DSG2: variants seen among roughly 807,000 people sequenced by gnomAD.
DSG2 encodes the protein desmoglein 2.
DSG2 carries 45 observed loss-of-function variants against 75.6 expected under a neutral mutation model. The ratio of observed to expected loss-of-function variants is 0.60; its 90% confidence interval spans 0.47 to 0.76. DSG2 has a LOEUF of 0.76. Among genes scored for constraint, DSG2 ranks in the 30% least tolerant of loss-of-function variants. The probability of loss-of-function intolerance (pLI) is 0.00; values close to 1 mark genes in which losing one functional copy is unlikely to be tolerated. For missense variants in DSG2, 1,267 were observed against 1,357.4 expected, an observed-to-expected ratio of 0.93 and a Z score of 1.05; for synonymous variants, 429 against 483.9, an observed-to-expected ratio of 0.89 and a Z score of 1.49.
intron 1 of DSG2, among the ~76,000 whole-genome samples, chr18:31,513,991 C>T (rs1222765892): frequency 6.6e-6 from 1 of 152,126 alleles, no homozygotes; most frequent in Non-Finnish European, 1.5e-5. Context: ...CCGTCAAGGT[C>T]ATGAGAAACA....
intron 3 of DSG2, among the ~76,000 whole-genome samples, chr18:31,520,159 A>C (rs1485647371): frequency 6.6e-6 from 1 of 152,190 alleles, no homozygotes; most frequent in Non-Finnish European, 1.5e-5. Context: ...CATTGGCAAA[A>C]ATATAGATAA....
chr18:31,510,071 A>G (rs1409073237), intron 1 of DSG2, among the ~76,000 whole-genome samples: 1 of 152,248 alleles, frequency 6.6e-6, no homozygotes, highest in East Asian at 1.9e-4. Context: ...GCTGGTTGGA[A>G]GGTTGAGTAA....
At chr18:31,517,002 A>G (rs530346661) in intron 1 of DSG2, among the ~76,000 whole-genome samples, 15 of 152,246 alleles carry the variant, frequency 9.9e-5, no homozygotes, top group Middle Eastern at 3.2e-3. Flanking sequence ...TAAAATCCAA[A>G]TAGCCACAAG....
intron 9 of DSG2, among the ~76,000 whole-genome samples, chr18:31,534,932 A>G (rs2144339062): frequency 6.6e-6 from 1 of 152,340 alleles, no homozygotes; most frequent in African/African-American, 2.4e-5. Context: ...ATTCCCCAAA[A>G]GTTTAACCCA....
chr18:31,500,193 A>C (rs1219564247), intron 1 of DSG2, among the ~76,000 whole-genome samples: 1 of 152,248 alleles, frequency 6.6e-6, no homozygotes, highest in African/African-American at 2.4e-5. Context: ...TAAAGCAAGA[A>C]TAGGTTTATT....
In DSG2 at chr18:31,520,806, C is replaced by A. The variant is rs772406363; in HGVS notation, c.220C>A (p.His74Asn). The A allele has an allele frequency of 6.2e-7, 1 of 1,613,306 alleles. No homozygotes were observed. Among genetic ancestry groups the A allele is most frequent in the Admixed American group, 1.7e-5 (1 of 59,960 alleles). Residue 74 changes from histidine (H) to asparagine (N), a missense_variant, in exon 4 of 15, where the codon CAT (histidine) becomes AAT (asparagine). His to Asn is a moderately conservative substitution (Grantham distance 68, BLOSUM62 1). Transcript: ENST00000261590. ...LSKKNPIAKI[H>N]SDLAEERGLK... is the part of the protein sequence containing the mutation. Reference sequence around the variant, plus strand: ...ATTCCTGTTATTTTTATGTTAGATACATTCTGATCTTGCAGAAGAAAGAGG... The same window carrying A: ...ATTCCTGTTATTTTTATGTTAGATAAATTCTGATCTTGCAGAAGAAAGAGG...
intron 1 of DSG2, among the ~76,000 whole-genome samples, chr18:31,516,922 G>A (rs1332943407): frequency 6.6e-6 from 1 of 152,214 alleles, no homozygotes; most frequent in African/African-American, 2.4e-5. Context: ...TGTCTGCCCT[G>A]TCCAAATGGG....
At position 31,544,645 on chromosome 18, in the gene DSG2, G is replaced by T. The variant is rs1039756337; in HGVS notation, c.2335-1076G>T. 3.3e-5 allele frequency among the ~76,000 whole-genome samples: 5 copies of T among 152,008 alleles called. No homozygotes were observed. In the East Asian group the frequency reaches 9.6e-4, roughly 29 times the overall value. On this transcript the variant is annotated intron_variant, in intron 14 of 14. Transcript: ENST00000261590. Reference sequence around the variant, plus strand: ...AGCCACAAGCTTATTATTTAAAGAGGTCAATAAAATTGATAAACATTTTAC... The same window carrying T: ...AGCCACAAGCTTATTATTTAAAGAGTTCAATAAAATTGATAAACATTTTAC...
At chr18:31,542,395 T>TCTAA (rs2073273866) in intron 13 of DSG2, 125 bp from the exon 14 acceptor site, 2 of 946,536 alleles carry the variant, frequency 2.1e-6, no homozygotes, top group Non-Finnish European at 1.7e-6. Context: ...AAATACTTTT[T>TCTAA]CTAACTGGCC....
rs775670183 is a variant in DSG2 at position 31,546,136 on chromosome 18, C to T, written c.2750C>T (p.Ala917Val). The T allele has an allele frequency of 8.1e-5, 131 of 1,614,134 alleles. 3 individuals are homozygous for T. The South Asian group carries it at 1.3e-3, about 16-fold the overall frequency. Residue 917 changes from alanine to valine, a missense_variant, in exon 15 of 15, where the codon GCG (alanine) becomes GTG (valine). Physicochemically the swap from Ala to Val is moderately conservative, Grantham distance 64. Transcript: ENST00000261590. Reference protein sequence around the residue: ...VTERSVSSRQAQKVATPLPDP... With the variant: ...VTERSVSSRQVQKVATPLPDP... ...GAAAGATCTGTGTCTTCTAGGCAGG[C>T]GCAAAAGGTAGCTACACCTCTTCCT... is the stretch of plus-strand genomic sequence containing the variant.
At position 31,538,801 on chromosome 18, in the gene DSG2, A is replaced by C; in HGVS notation, c.1702A>C (p.Ile568Leu). The C allele has an allele frequency of 6.2e-7, 1 of 1,614,184 alleles. No homozygotes were observed. Among genetic ancestry groups the C allele is most frequent in the Non-Finnish European group, 8.5e-7 (1 of 1,180,038 alleles). Residue 568 changes from isoleucine to leucine, a missense_variant, in exon 12 of 15, where the codon ATT becomes CTT. By Grantham distance (5) the Ile-to-Leu change is conservative (BLOSUM62 2). Transcript: ENST00000261590. ...TGAGAAAAAGCTTGGGAGAAGTGAA[A>C]TTCAGTTCCTGATTTCAGACAATCA... ...QSEKKLGRSE[I>L]QFLISDNQGF...
At chr18:31,510,932 C>G (rs185651138) in intron 1 of DSG2, among the ~76,000 whole-genome samples, 12 of 152,246 alleles carry the variant, frequency 7.9e-5, no homozygotes, top group African/African-American at 2.9e-4. Context: ...AGCCACCCCT[C>G]CCATGCTTGA....
At chr18:31,523,123 C>T (rs1010986806) in intron 6 of DSG2, among the ~76,000 whole-genome samples, 2 of 152,120 alleles carry the variant, frequency 1.3e-5, no homozygotes, top group Non-Finnish European at 2.9e-5. Context: ...AATGATTGGC[C>T]GGGCGTGGTG....
chr18:31,512,434 G>A (rs1272535722), intron 1 of DSG2, among the ~76,000 whole-genome samples: 1 of 152,176 alleles, frequency 6.6e-6, no homozygotes, highest in Non-Finnish European at 1.5e-5. Flanking sequence ...TGTATTGCAC[G>A]TGCTTCTGCA....
rs2073324010 is a variant in DSG2 at position 31,547,663 on chromosome 18, T to A, written c.*920T>A. ...TTGCACTCCAGTCTGGGCAACAGAG[T>A]GAGATTCCGTCTCAAAAAAAAAAAG... On this transcript the variant is annotated 3_prime_UTR_variant, in exon 15 of 15. Transcript: ENST00000261590. 6.8e-6 allele frequency: 1 copy of A among 145,992 alleles called. No homozygotes were observed. Among genetic ancestry groups the A allele is most frequent in the African/African-American group, 2.6e-5 (1 of 38,280 alleles). 9.0% of individuals were successfully genotyped at this position (145,992 alleles called of 1,614,324 possible). A position where few individuals can be genotyped will look rare whatever the true frequency, so the allele number is the denominator to read the frequency against.
Position 31,504,024 on chromosome 18 carries a change from C to T in DSG2, c.45+5728C>T, listed in dbSNP as rs2073026831. Among the ~76,000 whole-genome samples, 3 of 152,306 alleles carry T rather than the reference C, an allele frequency of 2.0e-5. No individual in the cohort carries two copies. In the South Asian group the frequency reaches 6.2e-4, roughly 32 times the overall value. Reference sequence around the variant, plus strand: ...CTAAGTAGGGATTTATTTTACTTGTCTGGACCCTCTTTTTGAAAGGCAAAT... The same window carrying T: ...CTAAGTAGGGATTTATTTTACTTGTTTGGACCCTCTTTTTGAAAGGCAAAT... On this transcript the variant is annotated intron_variant, in intron 1 of 14. Transcript: ENST00000261590.
chr18:31,542,343 G>A, intron 13 of DSG2, 177 bp from the exon 14 acceptor site: 1 of 680,474 alleles, frequency 1.5e-6, no homozygotes, highest in Non-Finnish European at 2.6e-6. Context: ...GAAGAGAGAA[G>A]AAAGGAGATC....
At position 31,547,032 on chromosome 18, in the gene DSG2, A is replaced by G. The variant is rs541237335; in HGVS notation, c.*289A>G. Reference sequence around the variant, plus strand: ...ATAAAACAAGATACATAGAGAGTCAATCTGGCTTCTGAGAATTTACCAAGT... The same window carrying G: ...ATAAAACAAGATACATAGAGAGTCAGTCTGGCTTCTGAGAATTTACCAAGT... On this transcript the variant is annotated 3_prime_UTR_variant, in exon 15 of 15. Transcript: ENST00000261590. The G allele has an allele frequency of 6.7e-5, 31 of 461,208 alleles. No homozygotes were observed. Among genetic ancestry groups the G allele is most frequent in the Middle Eastern group, 6.4e-4 (1 of 1,558 alleles). The allele number at this position is 461,208 out of a possible 1,614,324, so 28.6% of individuals were successfully genotyped here.
At chr18:31,507,948 A>G (rs1291653027) in intron 1 of DSG2, among the ~76,000 whole-genome samples, 2 of 152,162 alleles carry the variant, frequency 1.3e-5, no homozygotes, top group East Asian at 1.9e-4. Context: ...CCATTTGTCA[A>G]TTTTGGCTTT....
Sources: allele counts gnomAD v4.1 joint callset (sites outside exome capture counted in the v4.1 genomes callset), GRCh38; gene constraint gnomAD v4.1.1; transcripts MANE v1.5; gene names NCBI Gene and HGNC (gene_info 2026-07-23, HGNC 2026-07-21).